MSRB3: variants seen among roughly 807,000 people sequenced by gnomAD.
MSRB3 encodes methionine-R-sulfoxide reductase B3.
A neutral mutation model predicts 21.0 loss-of-function variants in MSRB3; 13 were observed. The observed-to-expected ratio is 0.62, with a 90% CI of 0.40 to 0.98. The LOEUF (loss-of-function observed/expected upper bound fraction) is 0.98. Among genes scored for constraint, MSRB3 ranks in the 50% least tolerant of loss-of-function variants. The pLI, the probability that MSRB3 is intolerant of heterozygous loss-of-function variation, is 0.00. For synonymous variants in MSRB3, 87 were observed against 88.6 expected (o/e 0.98, Z 0.10); for missense variants, 199 against 230.3 (o/e 0.86, Z 0.88).
At chr12:65,296,083 A>G (rs898438412) in intron 1 of MSRB3, among the ~76,000 whole-genome samples, 1 of 152,212 alleles carries the variant, frequency 6.6e-6, no homozygotes, top group Non-Finnish European at 1.5e-5. Context: ...TATTTTCTTC[A>G]TGCATACACA....
At chr12:65,452,266 A>C (rs1882890041) in intron 5 of MSRB3, among the ~76,000 whole-genome samples, 1 of 152,168 alleles carries the variant, frequency 6.6e-6, no homozygotes, top group African/African-American at 2.4e-5. Flanking sequence ...AAAAAGGAAA[A>C]TACAGAATAT....
intron 4 of MSRB3, among the ~76,000 whole-genome samples, chr12:65,353,354 G>T (rs564199275): frequency 6.6e-6 from 1 of 152,078 alleles, no homozygotes; most frequent in Admixed American, 6.6e-5. Flanking sequence ...TATTGTGTGG[G>T]AGTCTAAGTC....
At chr12:65,341,850 A>C (rs1307395995) in intron 4 of MSRB3, among the ~76,000 whole-genome samples, 1 of 152,040 alleles carries the variant, frequency 6.6e-6, no homozygotes, top group Non-Finnish European at 1.5e-5. Context: ...TCTTAGGAAA[A>C]ATATAATCAT....
At chr12:65,308,383 C>A in intron 1 of MSRB3, 146 bp from the exon 2 acceptor site, 2 of 1,075,812 alleles carry the variant, frequency 1.9e-6, no homozygotes, top group Non-Finnish European at 2.7e-6. Flanking sequence ...AGCTCACGGG[C>A]TGAAAAATAG....
chr12:65,432,949 A>G (rs965298543), intron 5 of MSRB3, among the ~76,000 whole-genome samples: 1 of 152,014 alleles, frequency 6.6e-6, no homozygotes, highest in African/African-American at 2.4e-5. Context: ...GTCCCTTAGG[A>G]TAGCTATTAT....
chr12:65,435,071 T>G (rs907841885), intron 5 of MSRB3, among the ~76,000 whole-genome samples: 1 of 151,822 alleles, frequency 6.6e-6, no homozygotes, highest in South Asian at 2.1e-4. Flanking sequence ...AATGACTAAG[T>G]GGATATAGGA....
chr12:65,433,745 C>T (rs1267159068), intron 5 of MSRB3, among the ~76,000 whole-genome samples: 2 of 151,878 alleles, frequency 1.3e-5, no homozygotes, highest in Non-Finnish European at 2.9e-5. Context: ...ATCTTTAAGT[C>T]TCTACACTGC....
At chr12:65,348,187 A>G (rs985087561) in intron 4 of MSRB3, among the ~76,000 whole-genome samples, 2 of 152,194 alleles carry the variant, frequency 1.3e-5, no homozygotes, top group African/African-American at 4.8e-5. Context: ...TACCTCTGGT[A>G]GAATTCGACT....
chr12:65,422,506 A>T (rs1429829108), intron 5 of MSRB3, among the ~76,000 whole-genome samples: 1 of 146,766 alleles, frequency 6.8e-6, no homozygotes, highest in Non-Finnish European at 1.5e-5. Context: ...ATCAGGGTAA[A>T]TGGGGTATCC....
At chr12:65,287,565 T>C (rs1182431582) in intron 1 of MSRB3, among the ~76,000 whole-genome samples, 2 of 152,164 alleles carry the variant, frequency 1.3e-5, no homozygotes, top group African/African-American at 4.8e-5. Flanking sequence ...AAAGGTAAGG[T>C]CATATCTTCC....
At chr12:65,386,321 A>G (rs940812863) in intron 5 of MSRB3, among the ~76,000 whole-genome samples, 1 of 152,002 alleles carries the variant, frequency 6.6e-6, no homozygotes, top group Non-Finnish European at 1.5e-5. Context: ...TTAGAGGCAG[A>G]AGACACACCA....
At chr12:65,395,015 T>C (rs752464188) in intron 5 of MSRB3, among the ~76,000 whole-genome samples, 3 of 152,148 alleles carry the variant, frequency 2.0e-5, no homozygotes, top group Non-Finnish European at 2.9e-5. Flanking sequence ...GTTTTCACCA[T>C]TTCTGTTCAG....
chr12:65,455,658 A>G (rs377661436), intron 6 of MSRB3, among the ~76,000 whole-genome samples: 253 of 152,314 alleles, frequency 1.7e-3, no homozygotes, highest in African/African-American at 5.8e-3. Flanking sequence ...GTGCCCAGAT[A>G]GATAGACAGG....
chr12:65,461,744 T>C (rs760790850), intron 6 of MSRB3, among the ~76,000 whole-genome samples: 4 of 152,244 alleles, frequency 2.6e-5, no homozygotes, highest in Non-Finnish European at 5.9e-5. Flanking sequence ...TTGAAACTTA[T>C]AAGTGTTTTA....
intron 4 of MSRB3, among the ~76,000 whole-genome samples, chr12:65,333,689 G>T (rs539720065): frequency 6.6e-6 from 1 of 152,308 alleles, no homozygotes; most frequent in Non-Finnish European, 1.5e-5. Flanking sequence ...GATCCTTCTA[G>T]TGTGAACGTG....
chr12:65,298,558 C>A (rs540548505), intron 1 of MSRB3, among the ~76,000 whole-genome samples: 53 of 152,316 alleles, frequency 3.5e-4, no homozygotes, highest in Non-Finnish European at 5.6e-4. Flanking sequence ...CTAAGCCCAA[C>A]ATGATGTCAA....
intron 5 of MSRB3, among the ~76,000 whole-genome samples, chr12:65,406,965 T>A (rs1880447782): frequency 6.6e-6 from 1 of 152,238 alleles, no homozygotes; most frequent in African/African-American, 2.4e-5. Context: ...TGCCTTGATC[T>A]TGGACTTCCC....
intron 5 of MSRB3, among the ~76,000 whole-genome samples, chr12:65,418,029 G>A (rs1399125220): frequency 2.0e-5 from 3 of 152,130 alleles, no homozygotes; most frequent in East Asian, 1.9e-4. Flanking sequence ...TGGTAGATCT[G>A]TTTTCAATTT....
intron 1 of MSRB3, among the ~76,000 whole-genome samples, chr12:65,307,412 A>G (rs117708944): frequency 0.013 from 2,049 of 152,250 alleles, 47 homozygotes; most frequent in East Asian, 0.057. Flanking sequence ...TGTTTATTAT[A>G]TGTTTGTTCT....
Sources: allele counts gnomAD v4.1 joint callset (sites outside exome capture counted in the v4.1 genomes callset), GRCh38; gene constraint gnomAD v4.1.1; transcripts MANE v1.5; gene names NCBI Gene and HGNC (gene_info 2026-07-23, HGNC 2026-07-21).